Variants in SMIM14 observed in about 807,000 individuals in gnomAD.
SMIM14 encodes the protein chromosome 4 open reading frame 34.
A neutral mutation model predicts 12.6 loss-of-function variants in SMIM14; 5 were observed. That is an observed-to-expected ratio of 0.40 (90% CI 0.21 to 0.83). The LOEUF is 0.83. Ranked by LOEUF, SMIM14 falls within the 40% of genes least tolerant of loss-of-function variation. SMIM14 has a pLI of 0.37. For missense variants in SMIM14, 86 were observed against 119.1 expected (o/e 0.72, Z 1.29); for synonymous variants, 30 against 40.1 (o/e 0.75, Z 0.95).
intron 2 of SMIM14, among the ~76,000 whole-genome samples, chr4:39,592,405 T>C (rs1396444322): frequency 2.0e-5 from 3 of 151,970 alleles, no homozygotes; most frequent in African/African-American, 4.8e-5. Context: ...AGATTTATAG[T>C]CTTTGTACTA....
At chr4:39,555,846 T>G (rs973750333) in intron 4 of SMIM14, among the ~76,000 whole-genome samples, 1 of 152,106 alleles carries the variant, frequency 6.6e-6, no homozygotes, top group Admixed American at 6.6e-5. Context: ...GCTGGAAGCA[T>G]GAGAGGCAAG....
intron 3 of SMIM14, among the ~76,000 whole-genome samples, chr4:39,567,452 A>C (rs1578318002): frequency 6.6e-6 from 1 of 152,118 alleles, no homozygotes; most frequent in Admixed American, 6.6e-5. Flanking sequence ...AAAATACAAA[A>C]ATTAGGCCGG....
At position 39,577,718 on chromosome 4, in the gene SMIM14, T is replaced by A. The variant is rs147045249; in HGVS notation, c.76-5255A>T. Among the ~76,000 whole-genome samples the A allele has an allele frequency of 3.5e-4, 53 of 152,278 alleles. 1 individual carries two copies. In the East Asian group the frequency reaches 0.01, roughly 29 times the overall value. The stretch of plus-strand genomic sequence containing the variant: ...GCTGGGATTTAGGTGTGAGCCACTG[T>A]GCTTGGCCTCCTTTCAGTTTTAAAT... On this transcript the variant is annotated intron_variant, in intron 2 of 4. Coordinates refer to ENST00000295958, the MANE Select transcript of SMIM14 (RefSeq NM_174921.3).
intron 1 of SMIM14, among the ~76,000 whole-genome samples, chr4:39,632,335 C>T (rs1715931486): frequency 6.6e-6 from 1 of 151,938 alleles, no homozygotes; most frequent in African/African-American, 2.4e-5. Context: ...CAAAAATTAG[C>T]TGGGCATGGT....
intron 2 of SMIM14, among the ~76,000 whole-genome samples, chr4:39,602,483 T>C (rs181170290): frequency 3.0e-4 from 45 of 152,166 alleles, no homozygotes; most frequent in African/African-American, 1.0e-3. Context: ...TAATTCCAGC[T>C]GCTTGGGAGG....
chr4:39,595,598 TGTA>T (rs1376879158), intron 2 of SMIM14, among the ~76,000 whole-genome samples: 1 of 151,448 alleles, frequency 6.6e-6, no homozygotes, highest in African/African-American at 2.4e-5. Flanking sequence ...AAACGTTTTC[TGTA>T]ACTACGATTT....
intron 2 of SMIM14, among the ~76,000 whole-genome samples, chr4:39,576,671 TATATATATATATA>T (rs1341743601): frequency 1.7e-4 from 6 of 35,184 alleles, no homozygotes; most frequent in African/African-American, 2.8e-4. Context: ...TATATATATA[TATATATATATATA>T]TTTTTTTTTT....
chr4:39,603,723 T>C (rs1173993385), intron 2 of SMIM14, among the ~76,000 whole-genome samples: 1 of 152,034 alleles, frequency 6.6e-6, no homozygotes, highest in Non-Finnish European at 1.5e-5. Context: ...AGAAATGCTT[T>C]ACATAGGCCA....
In SMIM14 at chr4:39,638,773, G is replaced by A. The variant is rs1716202747; in HGVS notation, c.-70C>T. 2 of 985,358 alleles carry A rather than the reference G, an allele frequency of 2.0e-6. No homozygotes were observed. The highest frequency in any genetic ancestry group is 3.5e-5 in the African/African-American group (2 of 57,238). 61.0% of individuals were successfully genotyped at this position (985,358 alleles called of 1,614,324 possible). A position where few individuals can be genotyped will look rare whatever the true frequency, so the allele number is the denominator to read the frequency against. On this transcript the variant is annotated 5_prime_UTR_variant, in exon 1 of 5. Coordinates refer to ENST00000295958, the MANE Select transcript of SMIM14 (RefSeq NM_174921.3). The stretch of plus-strand genomic sequence containing the variant: ...CAACAACCGATGGGGCGGGGAGGAT[G>A]GGGGCCGGGACCGAGGCTCGGCAGA...
chr4:39,586,083 G>C (rs1713771526), intron 2 of SMIM14, among the ~76,000 whole-genome samples: 1 of 151,958 alleles, frequency 6.6e-6, no homozygotes. Context: ...CTGGGGGCTG[G>C]TGATTTGATT....
At chr4:39,582,009 T>C (rs1713532461) in intron 2 of SMIM14, among the ~76,000 whole-genome samples, 1 of 152,052 alleles carries the variant, frequency 6.6e-6, no homozygotes, top group Non-Finnish European at 1.5e-5. Flanking sequence ...GTGGCTGGGA[T>C]TGCAGGCATG....
intron 2 of SMIM14, among the ~76,000 whole-genome samples, chr4:39,590,419 A>T (rs1307155487): frequency 6.6e-6 from 1 of 152,010 alleles, no homozygotes; most frequent in Admixed American, 6.6e-5. Context: ...GCCTCAAAAA[A>T]AAAAAAGAAT....
chr4:39,601,225 C>A (rs34152446), intron 2 of SMIM14, among the ~76,000 whole-genome samples: 21,280 of 152,102 alleles, frequency 0.14, 1,919 homozygotes, highest in South Asian at 0.32. Flanking sequence ...AATGACCTAA[C>A]CTGTAAATCA....
intron 1 of SMIM14, among the ~76,000 whole-genome samples, chr4:39,637,097 A>G (rs950891542): frequency 3.9e-5 from 6 of 152,222 alleles, no homozygotes; most frequent in African/African-American, 1.4e-4. Context: ...ATGTACTGAA[A>G]AGCATATGTG....
At chr4:39,559,225 A>G (rs1339093154) in intron 3 of SMIM14, among the ~76,000 whole-genome samples, 1 of 152,082 alleles carries the variant, frequency 6.6e-6, no homozygotes, top group Non-Finnish European at 1.5e-5. Flanking sequence ...TGAGACTGCA[A>G]CATCTCTACG....
chr4:39,572,337 T>C (rs1712938329), intron 3 of SMIM14, 78 bp downstream of exon 3: 3 of 575,812 alleles, frequency 5.2e-6, no homozygotes, highest in Admixed American at 3.5e-5. Flanking sequence ...AAGAATAAAT[T>C]CTGACAAATA....
At position 39,586,251 on chromosome 4, in the gene SMIM14, T is replaced by C. The variant is rs571830221; in HGVS notation, c.76-13788A>G. Among the ~76,000 whole-genome samples, 6 of 152,216 alleles carry C rather than the reference T, an allele frequency of 3.9e-5. No homozygotes were observed. The South Asian group carries it at 1.2e-3, about 32-fold the overall frequency. On this transcript the variant is annotated intron_variant, in intron 2 of 4. Coordinates refer to ENST00000295958, the MANE Select transcript of SMIM14 (RefSeq NM_174921.3). ...TTTTGCTTAATAATTCCATCTTCAA[T>C]TGGCTTCCCTCTTTTCAATTTTTAC...
chr4:39,634,825 C>T (rs1172420046), intron 1 of SMIM14, among the ~76,000 whole-genome samples: 1 of 151,716 alleles, frequency 6.6e-6, no homozygotes, highest in Non-Finnish European at 1.5e-5. Context: ...AAAATTAGGA[C>T]TTTTCCATGG....
At chr4:39,625,951 C>T (rs1715680955) in intron 1 of SMIM14, among the ~76,000 whole-genome samples, 1 of 152,146 alleles carries the variant, frequency 6.6e-6, no homozygotes, top group African/African-American at 2.4e-5. Flanking sequence ...TCCCCAGCCT[C>T]CAGGCCATGG....
Sources: gnomAD v4.1 joint callset for allele counts (sites outside exome capture counted in the v4.1 genomes callset) on GRCh38, gnomAD v4.1.1 for gene constraint, MANE v1.5 for transcripts, NCBI Gene and HGNC (gene_info 2026-07-23, HGNC 2026-07-21) for gene names.